Variants in KIAA1671 observed in about 807,000 individuals in gnomAD.
KIAA1671 encodes uncharacterized protein KIAA1671.
A neutral mutation model predicts 131.2 loss-of-function variants in KIAA1671; 52 were observed. The ratio of observed to expected loss-of-function variants is 0.40; its 90% CI spans 0.32 to 0.50. The LOEUF (loss-of-function observed/expected upper bound fraction) is 0.50. KIAA1671 is among the 20% of genes least tolerant of loss of function. The pLI is 0.73. For synonymous variants in KIAA1671, 1,003 were observed against 961.6 expected, an observed-to-expected ratio of 1.04 and a Z score of -0.80; for missense variants, 2,360 against 2,364.2, an observed-to-expected ratio of 1.00 and a Z score of 0.04.
rs1165793679 is a variant in KIAA1671 at position 25,040,455 on chromosome 22, CCAT to C, written c.3330_3332del (p.Ser1111del). The C allele has an allele frequency of 1.3e-6, 2 of 1,551,916 alleles. No homozygotes were observed. Among genetic ancestry groups the C allele is most frequent in the Non-Finnish European group, 1.7e-6 (2 of 1,147,082 alleles). On this transcript the variant is annotated inframe_deletion, in exon 5 of 13. Coordinates refer to ENST00000358431, the MANE Select transcript of KIAA1671 (RefSeq NM_001145206.2). ...AAAAACTCTGAAGCCAACAGACCGTCCATCATCTCTTGGGGCCTGGAGTCTGGA... is the reference window on the plus strand; with the variant it reads ...AAAAACTCTGAAGCCAACAGACCGTCCATCTCTTGGGGCCTGGAGTCTGGA...
chr22:25,192,019 TA>T (rs1431702272), intron 12 of KIAA1671, among the ~76,000 whole-genome samples: 1 of 152,178 alleles, frequency 6.6e-6, no homozygotes, highest in Non-Finnish European at 1.5e-5. Flanking sequence ...GTATGTATAA[TA>T]AATACTAAAA....
chr22:24,971,247 C>G (rs185735132), intron 1 of KIAA1671, among the ~76,000 whole-genome samples: 1 of 152,198 alleles, frequency 6.6e-6, no homozygotes, highest in African/African-American at 2.4e-5. Flanking sequence ...TGAGCCACCA[C>G]GCCTAGCCAG....
At chr22:24,999,868 T>C (rs1924344365) in intron 1 of KIAA1671, among the ~76,000 whole-genome samples, 1 of 151,636 alleles carries the variant, frequency 6.6e-6, no homozygotes, top group Admixed American at 6.6e-5. Flanking sequence ...CCTTGAGTAG[T>C]ATGGTATTTC....
intron 6 of KIAA1671, among the ~76,000 whole-genome samples, chr22:25,133,181 G>A (rs775900343): frequency 3.9e-5 from 6 of 152,078 alleles, no homozygotes; most frequent in African/African-American, 7.2e-5. Flanking sequence ...ACCTCCAGAC[G>A]TGGTCCTTGG....
At chr22:24,974,725 C>T (rs1489109301) in intron 1 of KIAA1671, among the ~76,000 whole-genome samples, 2 of 111,878 alleles carry the variant, frequency 1.8e-5, no homozygotes, top group African/African-American at 7.0e-5. Flanking sequence ...GGGTGTCTTG[C>T]TCTGTTGCCC....
chr22:24,978,782 C>T (rs1180573393), intron 1 of KIAA1671, among the ~76,000 whole-genome samples: 4 of 152,142 alleles, frequency 2.6e-5, no homozygotes, highest in Admixed American at 2.0e-4. Context: ...CTCCTGGGTT[C>T]AAGAGATTCT....
chr22:25,143,877 A>G (rs970178582), intron 6 of KIAA1671, among the ~76,000 whole-genome samples: 1 of 152,162 alleles, frequency 6.6e-6, no homozygotes, highest in Non-Finnish European at 1.5e-5. Flanking sequence ...TGTCTGTAAA[A>G]TGAGAATGAT....
At chr22:25,115,996 G>A (rs1260151075) in intron 6 of KIAA1671, among the ~76,000 whole-genome samples, 2 of 152,106 alleles carry the variant, frequency 1.3e-5, no homozygotes, top group African/African-American at 2.4e-5. Context: ...GGCTGGTCTC[G>A]AACTCCTGAC....
At chr22:25,089,266 A>ATTTTTTT (rs34941122) in intron 6 of KIAA1671, among the ~76,000 whole-genome samples, 1 of 89,272 alleles carries the variant, frequency 1.1e-5, no homozygotes. Context: ...TGTGTGTTTA[A>ATTTTTTT]TTTTTTTTTT....
intron 1 of KIAA1671, among the ~76,000 whole-genome samples, chr22:24,978,812 T>C (rs1602040397): frequency 1.3e-5 from 2 of 152,220 alleles, no homozygotes. Flanking sequence ...GCCTCCTGAA[T>C]AGCTGGGACT....
At chr22:25,091,614 A>C (rs951096314) in intron 6 of KIAA1671, among the ~76,000 whole-genome samples, 4 of 152,224 alleles carry the variant, frequency 2.6e-5, no homozygotes, top group African/African-American at 9.6e-5. Flanking sequence ...ATAGAAAACT[A>C]AAGCGAGGCG....
chr22:24,967,570 G>A (rs937271724), intron 1 of KIAA1671, among the ~76,000 whole-genome samples: 3 of 152,226 alleles, frequency 2.0e-5, no homozygotes, highest in Admixed American at 6.5e-5. Context: ...GCTGCCTGGG[G>A]CCTGGCCTCC....
At chr22:25,068,537 C>T (rs527624874) in intron 6 of KIAA1671, among the ~76,000 whole-genome samples, 4 of 152,180 alleles carry the variant, frequency 2.6e-5, no homozygotes, top group Non-Finnish European at 2.9e-5. Context: ...ACCGGGTTCA[C>T]GCCATTCTCC....
At chr22:25,008,736 T>C (rs879368690) in intron 1 of KIAA1671, among the ~76,000 whole-genome samples, 2 of 152,212 alleles carry the variant, frequency 1.3e-5, no homozygotes, top group Non-Finnish European at 2.9e-5. Flanking sequence ...TTGAGGATGA[T>C]AATGACTAAT....
intron 1 of KIAA1671, among the ~76,000 whole-genome samples, chr22:24,953,687 C>T (rs1173987613): frequency 6.6e-6 from 1 of 151,990 alleles, no homozygotes; most frequent in Non-Finnish European, 1.5e-5. Flanking sequence ...ACCCTGCTGG[C>T]ACAAACTCGC....
intron 9 of KIAA1671, 64 bp downstream of exon 9, chr22:25,177,586 C>T: frequency 7.2e-7 from 1 of 1,398,508 alleles, no homozygotes; most frequent in Admixed American, 2.6e-5. Context: ...TTAGACTAAG[C>T]CCTATGAAAA....
chr22:25,100,235 C>A (rs1930595090), intron 6 of KIAA1671, among the ~76,000 whole-genome samples: 1 of 152,196 alleles, frequency 6.6e-6, no homozygotes, highest in Non-Finnish European at 1.5e-5. Context: ...GCCACCCAGA[C>A]CTGCTGGTCA....
intron 1 of KIAA1671, among the ~76,000 whole-genome samples, chr22:24,981,454 C>T (rs1030417932): frequency 1.3e-5 from 2 of 152,084 alleles, no homozygotes; most frequent in African/African-American, 4.8e-5. Flanking sequence ...TCTATACTTC[C>T]TAGGGAAGAA....
At chr22:25,130,486 T>A (rs367826841) in intron 6 of KIAA1671, among the ~76,000 whole-genome samples, 1 of 152,232 alleles carries the variant, frequency 6.6e-6, no homozygotes, top group Non-Finnish European at 1.5e-5. Context: ...TTAGCTGTTA[T>A]ATAAATGTAT....
Sources: gnomAD v4.1 joint callset for allele counts (sites outside exome capture counted in the v4.1 genomes callset) on GRCh38, gnomAD v4.1.1 for gene constraint, MANE v1.5 for transcripts, NCBI Gene and HGNC (gene_info 2026-07-23, HGNC 2026-07-21) for gene names.